HOPX: variants seen among roughly 807,000 people sequenced by gnomAD.
HOPX encodes the protein HOP homeobox, also known as homeodomain-only protein.
HOPX carries 5 observed loss-of-function variants against 11.8 expected under a neutral mutation model. The observed-to-expected ratio is 0.43, with a 90% CI of 0.22 to 0.89. The LOEUF is 0.89. HOPX is among the 40% of genes least tolerant of loss of function. HOPX has a pLI of 0.28. For missense variants in HOPX, 119 were observed against 120.0 expected, an observed-to-expected ratio of 0.99 and a Z score of 0.04; for synonymous variants, 49 against 49.7, an observed-to-expected ratio of 0.99 and a Z score of 0.06.
chr4:56,668,716 G>A (rs933628690), intron 1 of HOPX, among the ~76,000 whole-genome samples: 1 of 152,156 alleles, frequency 6.6e-6, no homozygotes, highest in Non-Finnish European at 1.5e-5. Flanking sequence ...CAGAGGGAAT[G>A]TTTGTGTATC....
At chr4:56,667,234 T>G (rs1247335353) in intron 1 of HOPX, among the ~76,000 whole-genome samples, 2 of 152,242 alleles carry the variant, frequency 1.3e-5, no homozygotes, top group Non-Finnish European at 2.9e-5. Context: ...AAGCATAAGG[T>G]TCTCTTTAGA....
At chr4:56,662,477 C>CTTTTTTTTTT (rs1305463097) in intron 1 of HOPX, 1 of 108,742 alleles carries the variant, frequency 9.2e-6, no homozygotes, top group African/African-American at 4.2e-5. Flanking sequence ...TTCTTTCTTT[C>CTTTTTTTTTT]TTTCTTCTTT....
At chr4:56,673,420 T>TA (rs1466468181) in intron 1 of HOPX, among the ~76,000 whole-genome samples, 1 of 152,138 alleles carries the variant, frequency 6.6e-6, no homozygotes, top group African/African-American at 2.4e-5. Flanking sequence ...CTTTAAAAAA[T>TA]AAAAGATTGG....
At chr4:56,655,719 C>G in intron 3 of HOPX, 138 bp downstream of exon 3, 1 of 1,046,992 alleles carries the variant, frequency 9.6e-7, no homozygotes, top group Non-Finnish European at 1.4e-6. Flanking sequence ...GTCTGGGCCC[C>G]TGGGATGCGG....
At chr4:56,655,043 CGT>C (rs1227563298) in intron 3 of HOPX, among the ~76,000 whole-genome samples, 4 of 152,078 alleles carry the variant, frequency 2.6e-5, no homozygotes, top group Non-Finnish European at 4.4e-5. Flanking sequence ...AACCACAGGC[CGT>C]GTTGCATTCT....
At chr4:56,650,973 T>A (rs1717116655) in intron 3 of HOPX, 1 of 606,228 alleles carries the variant, frequency 1.6e-6, no homozygotes, top group South Asian at 2.5e-5. Flanking sequence ...ATGAGGTAGC[T>A]CTGTGGGGGG....
chr4:56,653,044 T>A (rs1034285368), intron 3 of HOPX, among the ~76,000 whole-genome samples: 1 of 152,108 alleles, frequency 6.6e-6, no homozygotes, highest in African/African-American at 2.4e-5. Context: ...TTTATTTACT[T>A]ACTTATTTTG....
At chr4:56,665,688 A>G (rs1327283725) in intron 1 of HOPX, 1 of 152,182 alleles carries the variant, frequency 6.6e-6, no homozygotes, top group African/African-American at 2.4e-5. Context: ...CCTTAGATGC[A>G]TTCATTCACT....
At chr4:56,663,484 T>C (rs1353928649) in intron 1 of HOPX, 2 of 152,212 alleles carry the variant, frequency 1.3e-5, no homozygotes, top group East Asian at 1.9e-4. Context: ...GCATATATGA[T>C]GTGTGCCTTT....
chr4:56,651,692 G>C (rs79944370), intron 3 of HOPX, among the ~76,000 whole-genome samples: 1,846 of 152,216 alleles, frequency 0.012, 40 homozygotes, highest in African/African-American at 0.042. Context: ...TTCAGGAAGA[G>C]ACCTTTAGAG....
intron 1 of HOPX, among the ~76,000 whole-genome samples, chr4:56,662,079 A>G (rs1718168078): frequency 6.6e-6 from 1 of 152,258 alleles, no homozygotes; most frequent in South Asian, 2.1e-4. Flanking sequence ...AAAATGACCA[A>G]TTAAAGAAGA....
chr4:56,676,863 A>T (rs980180082), intron 1 of HOPX, among the ~76,000 whole-genome samples: 2 of 151,636 alleles, frequency 1.3e-5, no homozygotes, highest in Non-Finnish European at 2.9e-5. Flanking sequence ...AGGACTGGCC[A>T]CAGGCAGCTG....
intron 3 of HOPX, among the ~76,000 whole-genome samples, chr4:56,653,174 A>T (rs946609460): frequency 1.3e-5 from 2 of 152,120 alleles, no homozygotes; most frequent in Admixed American, 1.3e-4. Flanking sequence ...AGTAGCTGGG[A>T]CTACAGGCAT....
chr4:56,667,737 C>T (rs185955789), intron 1 of HOPX, among the ~76,000 whole-genome samples: 242 of 152,284 alleles, frequency 1.6e-3, no homozygotes, highest in African/African-American at 5.7e-3. Flanking sequence ...TATATGTTTT[C>T]CTTTCCTCCA....
intron 3 of HOPX, among the ~76,000 whole-genome samples, chr4:56,654,093 C>T (rs1236468660): frequency 6.6e-6 from 1 of 152,182 alleles, no homozygotes; most frequent in African/African-American, 2.4e-5. Context: ...AGAGTCTGGG[C>T]TTCCAGGGTT....
intron 1 of HOPX, chr4:56,662,344 A>G (rs942376778): frequency 3.9e-5 from 6 of 152,200 alleles, no homozygotes; most frequent in Non-Finnish European, 4.4e-5. Context: ...AAAGAGTTAA[A>G]TTGTCTACAG....
At chr4:56,649,629 C>A (rs1171663688) in intron 3 of HOPX, 9 of 152,252 alleles carry the variant, frequency 5.9e-5, no homozygotes, top group Non-Finnish European at 1.3e-4. Context: ...TCACACCTTA[C>A]AGAAGTGACC....
Position 56,650,690 on chromosome 4 carries a change from C to A in HOPX, c.199-1893G>T, listed in dbSNP as rs889923016. On this transcript the variant is annotated intron_variant, in intron 3 of 3. Coordinates refer to ENST00000420433, the MANE Select transcript of HOPX (RefSeq NM_032495.6). ...TGTCAAGATCTTACATACCTTTACA[C>A]TGGGGCGGCAGTAGAGAAAAGTAAT... 11 of 1,551,642 alleles carry A rather than the reference C, an allele frequency of 7.1e-6. No homozygotes were observed. In the African/African-American group the frequency reaches 9.6e-5, roughly 14 times the overall value.
At chr4:56,675,242 C>G (rs570313344) in intron 1 of HOPX, among the ~76,000 whole-genome samples, 3 of 151,652 alleles carry the variant, frequency 2.0e-5, no homozygotes, top group Non-Finnish European at 4.4e-5. Context: ...TGACTTGGCA[C>G]AGAGGTCAGA....
Sources: gnomAD v4.1 joint callset for allele counts (sites outside exome capture counted in the v4.1 genomes callset) on GRCh38, gnomAD v4.1.1 for gene constraint, MANE v1.5 for transcripts, NCBI Gene and HGNC (gene_info 2026-07-23, HGNC 2026-07-21) for gene names.